Variants in WDR7 observed in about 807,000 individuals in gnomAD.
WDR7 encodes WD repeat domain 7.
WDR7 carries 46 observed loss-of-function variants against 169.4 expected under a neutral mutation model. That is an observed-to-expected ratio of 0.27 (90% CI 0.21 to 0.35). WDR7 has a LOEUF of 0.35. Among genes scored for constraint, WDR7 ranks in the 10% least tolerant of loss-of-function variants. WDR7 has a pLI of 1.00. For missense variants in WDR7, 1,534 were observed against 1,859.3 expected (o/e 0.83, Z 3.22); for synonymous variants, 612 against 666.8 (o/e 0.92, Z 1.27).
intron 1 of WDR7, among the ~76,000 whole-genome samples, chr18:56,657,124 T>G (rs2024792777): frequency 6.6e-6 from 1 of 152,056 alleles, no homozygotes; most frequent in South Asian, 2.1e-4. Context: ...GGTTTATCTG[T>G]TACATCTCCC....
At chr18:56,876,936 G>A (rs1027302774) in intron 20 of WDR7, among the ~76,000 whole-genome samples, 3 of 152,150 alleles carry the variant, frequency 2.0e-5, no homozygotes, top group East Asian at 3.9e-4. Flanking sequence ...TAATTCCTGC[G>A]CTTTGGGAGG....
intron 20 of WDR7, among the ~76,000 whole-genome samples, chr18:56,865,616 T>G (rs937739681): frequency 3.3e-5 from 5 of 152,184 alleles, no homozygotes; most frequent in African/African-American, 1.2e-4. Flanking sequence ...ATTAGTGTTA[T>G]TGACCATATA....
intron 1 of WDR7, among the ~76,000 whole-genome samples, chr18:56,663,274 C>T (rs1159666730): frequency 1.3e-5 from 2 of 152,162 alleles, no homozygotes; most frequent in African/African-American, 4.8e-5. Context: ...ACCATTCAGT[C>T]CATAACAACA....
chr18:56,827,268 A>G (rs1189217987), intron 20 of WDR7, among the ~76,000 whole-genome samples: 1 of 152,190 alleles, frequency 6.6e-6, no homozygotes, highest in Non-Finnish European at 1.5e-5. Context: ...CAATTTTCTC[A>G]CCTGAAATAT....
intron 5 of WDR7, 66 bp from the exon 6 acceptor site, chr18:56,685,890 T>G (rs1000113033): frequency 1.8e-5 from 23 of 1,267,008 alleles, no homozygotes; most frequent in Non-Finnish European, 2.4e-5. Flanking sequence ...GCAAAACATC[T>G]TAATATTTAG....
chr18:56,719,193 C>T (rs2026260629), intron 13 of WDR7, among the ~76,000 whole-genome samples: 2 of 152,068 alleles, frequency 1.3e-5, no homozygotes, highest in African/African-American at 4.8e-5. Flanking sequence ...AAAGATGAGC[C>T]CACATCTCAT....
intron 27 of WDR7, 80 bp downstream of exon 27, chr18:57,020,929 C>T (rs546268986): frequency 9.3e-6 from 12 of 1,284,806 alleles, no homozygotes; most frequent in African/African-American, 1.5e-5. Context: ...TTGAGCCTAC[C>T]TGCCGGCCCT....
Position 57,027,028 on chromosome 18 carries a change from A to G in WDR7, c.4294A>G (p.Ile1432Val). The G allele has an allele frequency of 6.2e-7, 1 of 1,614,106 alleles. No homozygotes were observed. The highest frequency in any genetic ancestry group is 1.1e-5 in the South Asian group (1 of 91,080). The change falls in exon 28 of 28, where the codon ATC becomes GTC. Residue 1432 changes from isoleucine to valine, a missense_variant. Physicochemically the swap from Ile to Val is conservative, Grantham distance 29. Transcript: ENST00000254442. ...GATGAACACGTCACTGCTGGGAAGC[A>G]TCGGCATGCTGAACTCGGCACCTCA... The part of the protein sequence containing the change: ...WQMNTSLLGS[I>V]GMLNSAPQLR...
chr18:57,010,186 T>G, intron 26 of WDR7: 5 of 985,456 alleles, frequency 5.1e-6, no homozygotes, highest in Non-Finnish European at 4.8e-6. Context: ...TCAAATAGTT[T>G]TCTATTAGAA....
At chr18:56,757,401 C>A in intron 15 of WDR7, 49 bp downstream of exon 15, 1 of 1,472,428 alleles carries the variant, frequency 6.8e-7, no homozygotes, top group East Asian at 2.3e-5. Context: ...AAAAAAGAAA[C>A]CTGTTTTATT....
chr18:56,670,944 T>C (rs2144514134), intron 1 of WDR7, among the ~76,000 whole-genome samples: 1 of 152,358 alleles, frequency 6.6e-6, no homozygotes, highest in East Asian at 1.9e-4. Context: ...CAGTCTTCTT[T>C]TTCTAACTTC....
chr18:56,832,560 A>C (rs2045330306), intron 20 of WDR7, among the ~76,000 whole-genome samples: 1 of 152,182 alleles, frequency 6.6e-6, no homozygotes, highest in East Asian at 1.9e-4. Context: ...ACCTCCCAGC[A>C]GGGGTCAACA....
intron 4 of WDR7, among the ~76,000 whole-genome samples, chr18:56,681,604 A>G (rs2025351726): frequency 6.6e-6 from 1 of 152,346 alleles, no homozygotes; most frequent in Non-Finnish European, 1.5e-5. Context: ...GGAAAGATAC[A>G]GGGCAAGCAA....
At chr18:56,847,651 G>GCTT (rs1344434791) in intron 20 of WDR7, among the ~76,000 whole-genome samples, 1 of 152,174 alleles carries the variant, frequency 6.6e-6, no homozygotes, top group Non-Finnish European at 1.5e-5. Flanking sequence ...ATGGCTTTGA[G>GCTT]GGCCAAGCTC....
chr18:56,937,040 A>G (rs771249697), intron 23 of WDR7, among the ~76,000 whole-genome samples: 6 of 152,210 alleles, frequency 3.9e-5, no homozygotes, highest in Non-Finnish European at 7.3e-5. Flanking sequence ...AATATTGAAT[A>G]TAGTGAATAA....
intron 14 of WDR7, among the ~76,000 whole-genome samples, chr18:56,754,885 T>C (rs1364020539): frequency 6.6e-6 from 1 of 152,208 alleles, no homozygotes; most frequent in Admixed American, 6.5e-5. Flanking sequence ...AAATTACTCT[T>C]TTAAAACTAT....
chr18:56,701,327 A>G (rs910906592), intron 12 of WDR7, among the ~76,000 whole-genome samples: 9 of 152,196 alleles, frequency 5.9e-5, no homozygotes, highest in Admixed American at 6.5e-5. Flanking sequence ...GAGGTTTCTA[A>G]TATTAGGTTA....
intron 22 of WDR7, among the ~76,000 whole-genome samples, chr18:56,930,566 A>G (rs530589968): frequency 1.3e-5 from 2 of 152,320 alleles, no homozygotes; most frequent in African/African-American, 4.8e-5. Flanking sequence ...TGGGTTTAGG[A>G]ACTCAATGCC....
In WDR7 at chr18:56,756,814, G is replaced by A. The variant is rs140489577; in HGVS notation, c.2221G>A (p.Val741Ile). 19 of 1,614,034 alleles carry A rather than the reference G, an allele frequency of 1.2e-5. No homozygotes were observed. The African/African-American group carries it at 2.4e-4, about 20-fold the overall frequency. ...GSFLTGKRAA[V>I]LFQQVKETIK... is the part of the protein sequence containing the mutation. ...TTTTTTAACTGGAAAACGAGCAGCA[G>A]TTCTCTTCCAACAAGTGAAAGAAAC... is the stretch of plus-strand genomic sequence containing the variant. The change falls in exon 15 of 28, where the codon GTT becomes ATT. Residue 741 changes from valine to isoleucine, a missense_variant. Physicochemically the swap from Val to Ile is conservative, Grantham distance 29 (BLOSUM62 3). Transcript: ENST00000254442.
Sources: allele counts gnomAD v4.1 joint callset (sites outside exome capture counted in the v4.1 genomes callset), GRCh38; gene constraint gnomAD v4.1.1; transcripts MANE v1.5; gene names NCBI Gene and HGNC (gene_info 2026-07-23, HGNC 2026-07-21).